CSNK1A1: variants seen among roughly 807,000 people sequenced by gnomAD.
CSNK1A1 encodes the protein casein kinase 1 alpha 1, also known as casein kinase I isoform alpha.
CSNK1A1 carries 7 observed loss-of-function variants against 46.1 expected under a neutral mutation model. That is an observed-to-expected ratio of 0.15 (90% CI 0.09 to 0.29). CSNK1A1 has a LOEUF of 0.29. Among genes scored for constraint, CSNK1A1 ranks in the 10% least tolerant of loss-of-function variants. The pLI is 1.00. For synonymous variants in CSNK1A1, 137 were observed against 141.5 expected (o/e 0.97, Z 0.23); for missense variants, 96 against 417.1 (o/e 0.23, Z 6.71).
chr5:149,541,418 G>T (rs1434684544), intron 2 of CSNK1A1, among the ~76,000 whole-genome samples: 2 of 152,006 alleles, frequency 1.3e-5, no homozygotes, highest in Non-Finnish European at 2.9e-5. Context: ...CTCCCAAAGT[G>T]CTGGGATTAC....
intron 2 of CSNK1A1, among the ~76,000 whole-genome samples, chr5:149,526,781 G>T (rs947740489): frequency 6.6e-6 from 1 of 152,098 alleles, no homozygotes; most frequent in South Asian, 2.1e-4. Flanking sequence ...CTGAGAAAGG[G>T]GGGGGAGCCT....
chr5:149,526,162 C>G (rs950842922), intron 2 of CSNK1A1, among the ~76,000 whole-genome samples: 53 of 152,134 alleles, frequency 3.5e-4, no homozygotes, highest in African/African-American at 1.2e-3. Flanking sequence ...TATTTTTAGA[C>G]AAGGTCTCGC....
intron 2 of CSNK1A1, among the ~76,000 whole-genome samples, chr5:149,536,552 C>G (rs1219076151): frequency 6.6e-6 from 1 of 151,946 alleles, no homozygotes; most frequent in African/African-American, 2.4e-5. Context: ...GTTTGTTTTA[C>G]GTAGCAAATA....
chr5:149,518,035 A>G (rs973986737), intron 4 of CSNK1A1, among the ~76,000 whole-genome samples: 6 of 152,216 alleles, frequency 3.9e-5, no homozygotes, highest in Non-Finnish European at 8.8e-5. Context: ...AGTTTTCCAA[A>G]TAAGAATCAC....
intron 9 of CSNK1A1, chr5:149,498,651 G>A (rs1760730684): frequency 2.0e-6 from 2 of 985,214 alleles, no homozygotes; most frequent in South Asian, 4.7e-5. Context: ...TTCAAGTCTT[G>A]CAATTCTTCT....
At chr5:149,537,423 AACAACCAAGACAATACCATTTCCT>A (rs1762092589) in intron 2 of CSNK1A1, among the ~76,000 whole-genome samples, 1 of 152,066 alleles carries the variant, frequency 6.6e-6, no homozygotes, top group Non-Finnish European at 1.5e-5. Context: ...ATAAAATGCC[AACAACCAAGACAATACCATTTCCT>A]ACAACAGCCA....
At chr5:149,532,852 A>T (rs1463138744) in intron 2 of CSNK1A1, among the ~76,000 whole-genome samples, 1 of 152,204 alleles carries the variant, frequency 6.6e-6, no homozygotes, top group Non-Finnish European at 1.5e-5. Flanking sequence ...AAATACATAG[A>T]TCTCATGGGG....
chr5:149,498,811 T>C, intron 9 of CSNK1A1: 1 of 985,406 alleles, frequency 1.0e-6, no homozygotes, highest in Non-Finnish European at 1.2e-6. Flanking sequence ...CAAACTAAAA[T>C]GGAAACATGC....
At chr5:149,533,135 G>C (rs1761951894) in intron 2 of CSNK1A1, among the ~76,000 whole-genome samples, 1 of 152,076 alleles carries the variant, frequency 6.6e-6, no homozygotes, top group Non-Finnish European at 1.5e-5. Context: ...ATATGTAGAT[G>C]TTCCTTAACT....
chr5:149,513,273 C>T, intron 4 of CSNK1A1, 64 bp from the exon 5 acceptor site: 1 of 1,425,052 alleles, frequency 7.0e-7, no homozygotes, highest in Non-Finnish European at 9.6e-7. Flanking sequence ...GCGTCTTATT[C>T]ATTAAATGGT....
Position 149,495,685 on chromosome 5 carries a change from C to T in CSNK1A1, c.*1168G>A, listed in dbSNP as rs1288238596. ...ATCAGTCCAGCTGCTAGTCAGCGGG[C>T]AGCAGCTACAATACCAAGTTCTGGC... On this transcript the variant is annotated 3_prime_UTR_variant, in exon 10 of 10. Transcript: ENST00000377843. 1 of 147,126 alleles carries T rather than the reference C, an allele frequency of 6.8e-6. No individual in the cohort carries two copies. Among genetic ancestry groups the T allele is most frequent in the African/African-American group, 2.5e-5 (1 of 39,344 alleles). The allele number at this position is 147,126 out of a possible 1,614,324, so 9.1% of individuals were successfully genotyped here.
rs1414979519 is a variant in CSNK1A1, at chr5:149,493,470, G to C, written c.*3383C>G. The C allele has an allele frequency of 6.7e-6, 1 of 148,448 alleles. No homozygotes were observed. Among genetic ancestry groups the C allele is most frequent in the Non-Finnish European group, 1.5e-5 (1 of 67,690 alleles). 9.2% of individuals were successfully genotyped at this position (148,448 alleles called of 1,614,324 possible). A position where few individuals can be genotyped will look rare whatever the true frequency, so the allele number is the denominator to read the frequency against. Reference sequence around the variant, plus strand: ...GGAGCCATTATTACTCTACTTTTGAGTATGTCCTCAAAACTGGTCTAACAA... The same window carrying C: ...GGAGCCATTATTACTCTACTTTTGACTATGTCCTCAAAACTGGTCTAACAA... On this transcript the variant is annotated 3_prime_UTR_variant, in exon 10 of 10. Transcript: ENST00000377843.
At chr5:149,531,617 G>A (rs1441896439) in intron 2 of CSNK1A1, among the ~76,000 whole-genome samples, 1 of 151,746 alleles carries the variant, frequency 6.6e-6, no homozygotes, top group Non-Finnish European at 1.5e-5. Flanking sequence ...GGAGGCTGAG[G>A]TGGGTGGATC....
chr5:149,545,497 C>T, intron 2 of CSNK1A1: 1 of 623,040 alleles, frequency 1.6e-6, no homozygotes, highest in South Asian at 1.7e-5. Flanking sequence ...CCCACACAGT[C>T]TGAGCCCCTT....
intron 2 of CSNK1A1, among the ~76,000 whole-genome samples, chr5:149,538,546 G>C (rs1762135044): frequency 6.6e-6 from 1 of 152,156 alleles, no homozygotes; most frequent in South Asian, 2.1e-4. Context: ...TCAAAAATGG[G>C]AACACTAGGA....
intron 2 of CSNK1A1, among the ~76,000 whole-genome samples, chr5:149,526,975 A>G (rs1029409929): frequency 6.6e-6 from 1 of 152,234 alleles, no homozygotes; most frequent in Non-Finnish European, 1.5e-5. Context: ...CAAACCTGAC[A>G]CATGGATAAC....
At chr5:149,512,014 G>T in intron 5 of CSNK1A1, 142 bp from the exon 6 acceptor site, 1 of 602,216 alleles carries the variant, frequency 1.7e-6, no homozygotes. Context: ...ACTTATTTAA[G>T]GTGATTTTAA....
rs547305271 is a variant in CSNK1A1, at chr5:149,513,687, G to A, written c.457-478C>T. Among the ~76,000 whole-genome samples, 20 of 152,164 alleles carry A rather than the reference G, an allele frequency of 1.3e-4. No homozygotes were observed. The East Asian group carries it at 2.7e-3, about 21-fold the overall frequency. On this transcript the variant is annotated intron_variant, in intron 4 of 9. Coordinates refer to ENST00000377843, the MANE Select transcript of CSNK1A1 (RefSeq NM_001892.6). ...GGCTGAGGCAGGCGGATAACTTGAG[G>A]TCAGGAGTTCAAGACCAGCCTGACC...
chr5:149,531,361 C>T (rs1761890640), intron 2 of CSNK1A1, among the ~76,000 whole-genome samples: 1 of 151,208 alleles, frequency 6.6e-6, no homozygotes, highest in African/African-American at 2.4e-5. Context: ...ATGGAGAAAT[C>T]CCATCTCTAA....
Sources: allele counts gnomAD v4.1 joint callset (sites outside exome capture counted in the v4.1 genomes callset), GRCh38; gene constraint gnomAD v4.1.1; transcripts MANE v1.5; gene names NCBI Gene and HGNC (gene_info 2026-07-23, HGNC 2026-07-21).